Variants in TULP4 observed in about 807,000 individuals in gnomAD.
TULP4 encodes the protein TUB like protein 4, also known as tubby-related protein 4.
A neutral mutation model predicts 129.0 loss-of-function variants in TULP4; 16 were observed. That is an observed-to-expected ratio of 0.12 (90% CI 0.08 to 0.19). TULP4 has a LOEUF of 0.19. Ranked by LOEUF, TULP4 falls within the 10% of genes least tolerant of loss-of-function variation. The pLI, the probability that TULP4 is intolerant of heterozygous loss-of-function variation, is 1.00. For synonymous variants in TULP4, 998 were observed against 854.0 expected (o/e 1.17, Z -2.94); for missense variants, 1,842 against 2,059.1 (o/e 0.89, Z 2.04).
intron 6 of TULP4, among the ~76,000 whole-genome samples, chr6:158,463,651 T>A (rs71558062): frequency 1.9e-3 from 93 of 48,424 alleles, no homozygotes; most frequent in African/African-American, 0.014. Flanking sequence ...ATAATAAAAA[T>A]ATATATATAT....
Position 158,433,530 on chromosome 6 carries a change from C to A in TULP4, c.543+3633C>A, listed in dbSNP as rs533317754. 2.9e-4 allele frequency among the ~76,000 whole-genome samples: 44 copies of A among 152,074 alleles called. 1 individual carries two copies. Among genetic ancestry groups the A allele is most frequent in the South Asian group, 1.7e-3 (8 of 4,828 alleles). Reference sequence around the variant, plus strand: ...GAGATCGAGACCATCCTGGCTAACACGGTGAAACCCGTCTACTAAAAATAC... The same window carrying A: ...GAGATCGAGACCATCCTGGCTAACAAGGTGAAACCCGTCTACTAAAAATAC... On this transcript the variant is annotated intron_variant, in intron 3 of 13. Coordinates refer to ENST00000367097, the MANE Select transcript of TULP4 (RefSeq NM_020245.5).
intron 6 of TULP4, among the ~76,000 whole-genome samples, chr6:158,471,084 G>A (rs1779670479): frequency 1.3e-5 from 2 of 152,222 alleles, no homozygotes; most frequent in African/African-American, 4.8e-5. Context: ...TGGGTTTGAG[G>A]GCAGTAGGGA....
intron 1 of TULP4, among the ~76,000 whole-genome samples, chr6:158,296,006 T>C (rs1485285725): frequency 6.6e-6 from 1 of 152,240 alleles, no homozygotes; most frequent in Admixed American, 6.5e-5. Flanking sequence ...ATATTTTTTC[T>C]TTTTAATTTT....
chr6:158,342,304 T>A (rs1029234380), intron 1 of TULP4, among the ~76,000 whole-genome samples: 1 of 152,258 alleles, frequency 6.6e-6, no homozygotes, highest in Non-Finnish European at 1.5e-5. Flanking sequence ...AGGCTCTTTC[T>A]ATTTTGAAAG....
At chr6:158,353,109 A>G (rs1275748865) in intron 1 of TULP4, among the ~76,000 whole-genome samples, 1 of 152,194 alleles carries the variant, frequency 6.6e-6, no homozygotes, top group African/African-American at 2.4e-5. Flanking sequence ...TAGGATTGAT[A>G]TTGCTATGTA....
intron 1 of TULP4, among the ~76,000 whole-genome samples, chr6:158,361,113 A>T (rs1174179805): frequency 6.6e-6 from 1 of 152,152 alleles, no homozygotes; most frequent in Non-Finnish European, 1.5e-5. Context: ...GATTTATCAC[A>T]ATATACTTAA....
intron 1 of TULP4, among the ~76,000 whole-genome samples, chr6:158,295,909 T>C (rs1218527951): frequency 6.6e-6 from 1 of 152,054 alleles, no homozygotes; most frequent in Non-Finnish European, 1.5e-5. Flanking sequence ...AAAAGAAATA[T>C]GGCCAGCATA....
chr6:158,494,866 C>T lies in TULP4; in HGVS notation c.1870+20C>T. Reference sequence around the variant, plus strand: ...GTGCAGGTAAAAATCATGTCCTCTTCTCTCATTGTCCCAGTTGGAACAAAC... The same window carrying T: ...GTGCAGGTAAAAATCATGTCCTCTTTTCTCATTGTCCCAGTTGGAACAAAC... On this transcript the variant is annotated intron_variant, in intron 11 of 13. Transcript: ENST00000367097. 4 of 1,606,234 alleles carry T rather than the reference C, an allele frequency of 2.5e-6. No homozygotes were observed. The highest frequency in any genetic ancestry group is 3.4e-6 in the Non-Finnish European group (4 of 1,173,054).
intron 9 of TULP4, among the ~76,000 whole-genome samples, chr6:158,492,196 A>G (rs1780227418): frequency 6.6e-6 from 1 of 152,144 alleles, no homozygotes; most frequent in South Asian, 2.1e-4. Flanking sequence ...TTTGTCAGAT[A>G]TCTGTATGGC....
intron 1 of TULP4, among the ~76,000 whole-genome samples, chr6:158,262,956 A>G (rs1778377663): frequency 1.4e-5 from 1 of 70,692 alleles, no homozygotes; most frequent in Non-Finnish European, 3.9e-5. Flanking sequence ...GGGACCCGTC[A>G]TCATCACTCA....
At chr6:158,260,575 C>CAAA (rs71729689) in intron 1 of TULP4, among the ~76,000 whole-genome samples, 18,169 of 116,194 alleles carry the variant, frequency 0.16, 1,749 homozygotes, top group East Asian at 0.44. Flanking sequence ...GACTCTGTCT[C>CAAA]AAAAAAAAAA....
At chr6:158,418,432 A>G (rs1778265257) in intron 2 of TULP4, among the ~76,000 whole-genome samples, 1 of 141,588 alleles carries the variant, frequency 7.1e-6, no homozygotes, top group Non-Finnish European at 1.5e-5. Flanking sequence ...GCAATTCGAT[A>G]CTTGGTTTTC....
intron 1 of TULP4, among the ~76,000 whole-genome samples, chr6:158,371,562 G>A (rs1264146354): frequency 1.3e-5 from 2 of 152,176 alleles, no homozygotes; most frequent in Non-Finnish European, 2.9e-5. Flanking sequence ...AGAAAATTTG[G>A]TGAGAAGTCC....
chr6:158,447,253 A>G (rs1353518457), intron 3 of TULP4, among the ~76,000 whole-genome samples: 2 of 152,214 alleles, frequency 1.3e-5, no homozygotes, highest in Admixed American at 6.5e-5. Flanking sequence ...CCTGTGTCAC[A>G]TGAAGGCTTT....
At chr6:158,308,959 C>T (rs562047884), upstream of TULP4, among the ~76,000 whole-genome samples, 2 of 138,438 alleles carry the variant, frequency 1.4e-5, no homozygotes, top group African/African-American at 5.3e-5. Context: ...CCCTCCCGGA[C>T]GGGGCGGCTG....
chr6:158,436,023 T>A (rs895443706), intron 3 of TULP4, among the ~76,000 whole-genome samples: 35 of 152,298 alleles, frequency 2.3e-4, no homozygotes, highest in African/African-American at 8.2e-4. Flanking sequence ...CAAGCGATTC[T>A]TGTGCCTCAC....
In TULP4 at chr6:158,413,660, G is replaced by T. The variant is rs950304877; in HGVS notation, c.381+467G>T. Among the ~76,000 whole-genome samples the T allele has an allele frequency of 6.6e-6, 1 of 152,204 alleles. No homozygotes were observed. The highest frequency in any genetic ancestry group is 1.5e-5 in the Non-Finnish European group (1 of 68,050). ...CAGGCTTCAATCAGCACGGCCTCCT[G>T]TTGTCATCCTCCAGCTCTTCCTTTC... is the stretch of plus-strand genomic sequence containing the variant. On this transcript the variant is annotated intron_variant, in intron 2 of 13. Coordinates refer to ENST00000367097, the MANE Select transcript of TULP4 (RefSeq NM_020245.5). This position sits in a 1 kb window ranked among gnomAD's most constrained non-coding sequence, Gnocchi z 4.9.
At chr6:158,238,160 T>C (rs948115923) in intron 1 of TULP4, 2 of 764,440 alleles carry the variant, frequency 2.6e-6, no homozygotes, top group Non-Finnish European at 4.8e-6. Flanking sequence ...ATATTAGACA[T>C]GCTAAGAAAT....
intron 1 of TULP4, among the ~76,000 whole-genome samples, chr6:158,363,309 A>G (rs1780843855): frequency 6.6e-6 from 1 of 152,196 alleles, no homozygotes. Context: ...ATGTGTTAAC[A>G]TATCACAGAT....
Sources: allele counts gnomAD v4.1 joint callset (sites outside exome capture counted in the v4.1 genomes callset), GRCh38; gene constraint gnomAD v4.1.1; non-coding constraint Gnocchi (gnomAD v3.1); transcripts MANE v1.5; gene names NCBI Gene and HGNC (gene_info 2026-07-23, HGNC 2026-07-21).